SMC3: variants seen among roughly 807,000 people sequenced by gnomAD.
The protein encoded by SMC3 is structural maintenance of chromosomes protein 3.
Under a neutral mutation model 171.8 loss-of-function variants are expected in SMC3, and 20 were observed. The ratio of observed to expected loss-of-function variants is 0.12; its 90% CI spans 0.08 to 0.17. SMC3 has a LOEUF of 0.17. SMC3 is among the 10% of genes least tolerant of loss of function. SMC3 has a pLI of 1.00. For synonymous variants in SMC3, 464 were observed against 451.1 expected, an observed-to-expected ratio of 1.03 and a Z score of -0.36; for missense variants, 543 against 1,420.4, an observed-to-expected ratio of 0.38 and a Z score of 9.93.
Position 110,589,940 on chromosome 10 carries a change from AAG to A in SMC3, c.1462_1463del (p.Glu488ArgfsTer3). 1 of 1,614,058 alleles carries A rather than the reference AAG, an allele frequency of 6.2e-7. No individual in the cohort carries two copies. The highest frequency in any genetic ancestry group is 1.1e-5 in the South Asian group (1 of 91,082). ...CAGAACAGCAAGCACTTGCTGCTAA[AAG>A]AGAAGATCTTGAAAAGAAGCAACAA... ...NAEQQALAAK[R>X]EDLEKKQQLL... On this transcript the variant is annotated frameshift_variant, in exon 15 of 29. Transcript: ENST00000361804. LOFTEE classifies it high-confidence loss of function.
rs1348912017 is a variant in SMC3, at chr10:110,604,437, C to T, written c.*135C>T. On this transcript the variant is annotated 3_prime_UTR_variant, in exon 29 of 29. Transcript: ENST00000361804. The stretch of plus-strand genomic sequence containing the variant: ...AGCATCATAGTCCTTTTATATTTGT[C>T]TTTGTATTTTATAAGATACTCTGTA... 18 of 655,848 alleles carry T rather than the reference C, an allele frequency of 2.7e-5. No homozygotes were observed. Among genetic ancestry groups the T allele is most frequent in the Non-Finnish European group, 3.3e-5 (12 of 365,382 alleles). 40.6% of individuals were successfully genotyped at this position (655,848 alleles called of 1,614,324 possible). A position where few individuals can be genotyped will look rare whatever the true frequency, so the allele number is the denominator to read the frequency against.
intron 18 of SMC3, among the ~76,000 whole-genome samples, chr10:110,594,773 A>G (rs1861270521): frequency 6.6e-6 from 1 of 150,882 alleles, no homozygotes; most frequent in Non-Finnish European, 1.5e-5. Flanking sequence ...ACCATCCAAG[A>G]ATAAGTAAAA....
rs528454819 is a variant in SMC3, at chr10:110,605,119, A to G, written c.*817A>G. Among the ~76,000 whole-genome samples, 2 of 152,306 alleles carry G rather than the reference A, an allele frequency of 1.3e-5. No individual in the cohort carries two copies. The highest frequency in any genetic ancestry group is 4.8e-5 in the African/African-American group (2 of 41,586). ...AATACCACAGAAGCGAAGTATTCTCATTACCTCATATAATAGTACATATTA... is the reference window on the plus strand; with the variant it reads ...AATACCACAGAAGCGAAGTATTCTCGTTACCTCATATAATAGTACATATTA... On this transcript the variant is annotated 3_prime_UTR_variant, in exon 29 of 29. Transcript: ENST00000361804.
rs775574024 is a variant in SMC3, at chr10:110,601,878, C to T, written c.2886C>T (p.Leu962=). The change falls in exon 24 of 29, where the codon CTC becomes CTT. Residue 962 remains leucine, a synonymous_variant. Transcript: ENST00000361804. ...EAFEKYQTLS[L]KQLFRKLEQC... is the part of the protein sequence containing the mutation. ...TTGAAAAGTACCAGACACTGAGCCT[C>T]AAACAGGTTGGTTTTAAATTTGAAG... 8.7e-6 allele frequency: 14 copies of T among 1,613,830 alleles called. No homozygotes were observed. In the East Asian group the frequency reaches 2.9e-4, roughly 33 times the overall value.
chr10:110,596,141 G>C (rs533598795), intron 18 of SMC3, among the ~76,000 whole-genome samples: 1 of 145,106 alleles, frequency 6.9e-6, no homozygotes, highest in East Asian at 2.0e-4. Context: ...AGGATCACTT[G>C]AATCCAGGAG....
In SMC3 at chr10:110,602,494, A is replaced by C; in HGVS notation, c.3126A>C (p.Glu1042Asp). 6.2e-7 allele frequency: 1 copy of C among 1,612,842 alleles called. No individual in the cohort carries two copies. Among genetic ancestry groups the C allele is most frequent in the Non-Finnish European group, 8.5e-7 (1 of 1,179,326 alleles). ...TTAAGGTATCTAAGAACTTCAGTGA[A>C]GTATTCCAGAAGTTAGTACCTGGTG... ...TFKQVSKNFS[E>D]VFQKLVPGGK... is the part of the protein sequence containing the mutation. The change falls in exon 26 of 29, where the codon GAA becomes GAC. Residue 1042 changes from glutamate (E) to aspartate (D), a missense_variant. By Grantham distance (45) the Glu-to-Asp change is conservative. Coordinates refer to ENST00000361804, the MANE Select transcript of SMC3 (RefSeq NM_005445.4).
At chr10:110,592,944 A>G (rs1040395668) in intron 17 of SMC3, 129 bp from the exon 18 acceptor site, 3 of 835,084 alleles carry the variant, frequency 3.6e-6, no homozygotes, top group Non-Finnish European at 5.9e-6. Flanking sequence ...ACTTCAGGGA[A>G]AACGCCAATC....
At chr10:110,595,052 A>G (rs916628993) in intron 18 of SMC3, among the ~76,000 whole-genome samples, 4 of 150,926 alleles carry the variant, frequency 2.7e-5, no homozygotes, top group Non-Finnish European at 5.9e-5. Context: ...GCATGATCTC[A>G]GCTCACTACA....
chr10:110,584,160 C>T, intron 12 of SMC3, 23 bp from the exon 13 acceptor site: 1 of 1,602,722 alleles, frequency 6.2e-7, no homozygotes, highest in Non-Finnish European at 8.5e-7. Context: ...CCTTTTCATC[C>T]CATTTGCTTC....
At chr10:110,572,451 TC>T (rs748043097) in intron 2 of SMC3, among the ~76,000 whole-genome samples, 1 of 152,196 alleles carries the variant, frequency 6.6e-6, no homozygotes, top group Non-Finnish European at 1.5e-5. Context: ...CTGGATCATT[TC>T]CACAGCCTTC....
Position 110,583,757 on chromosome 10 carries a change from A to G in SMC3, c.970-84A>G. On this transcript the variant is annotated intron_variant, in intron 11 of 28. Coordinates refer to ENST00000361804, the MANE Select transcript of SMC3 (RefSeq NM_005445.4). ...ATGTTACAGGTGGGTTTTCTCATGA[A>G]GTTTTTTTCCTGAGAAAACATTTAT... 2.0e-6 allele frequency: 3 copies of G among 1,499,562 alleles called. No homozygotes were observed. In the South Asian group the frequency reaches 3.6e-5, roughly 18 times the overall value. The allele number at this position is 1,499,562 out of a possible 1,614,324, so 92.9% of individuals were successfully genotyped here.
chr10:110,581,969 G>A lies in SMC3; in HGVS notation c.594G>A (p.Glu198=). Residue 198 remains glutamate (E), a synonymous_variant, in exon 9 of 29, where the codon GAG becomes GAA. Transcript: ENST00000361804. The stretch of plus-strand genomic sequence containing the variant: ...ATGAGTTGTTAAAATACATTGAAGA[G>A]AGATTACATACTCTAGAGGAAGAAA... ...KINELLKYIE[E]RLHTLEEEKE... is the part of the protein sequence containing the mutation. The A allele has an allele frequency of 6.2e-7, 1 of 1,613,744 alleles. No homozygotes were observed. Among genetic ancestry groups the A allele is most frequent in the Non-Finnish European group, 8.5e-7 (1 of 1,179,780 alleles).
intron 21 of SMC3, 71 bp from the exon 22 acceptor site, chr10:110,600,368 G>A: frequency 1.2e-6 from 1 of 802,070 alleles, no homozygotes; most frequent in Non-Finnish European, 2.3e-6. Flanking sequence ...TACTAGAGAG[G>A]ACAGCAAATG....
At chr10:110,593,509 T>C (rs1861241157) in intron 18 of SMC3, among the ~76,000 whole-genome samples, 1 of 150,810 alleles carries the variant, frequency 6.6e-6, no homozygotes, top group Non-Finnish European at 1.5e-5. Flanking sequence ...GAGGCAGTGG[T>C]TGCAGTGAGC....
At chr10:110,595,928 T>TTTC (rs1861292850) in intron 18 of SMC3, among the ~76,000 whole-genome samples, 1 of 147,342 alleles carries the variant, frequency 6.8e-6, no homozygotes, top group South Asian at 2.1e-4. Context: ...TTTTTTTTTT[T>TTTC]TTTTTTTTTT....
At chr10:110,589,261 G>A (rs1861172053) in intron 13 of SMC3, among the ~76,000 whole-genome samples, 1 of 151,912 alleles carries the variant, frequency 6.6e-6, no homozygotes, top group Non-Finnish European at 1.5e-5. Context: ...AACTGAAATT[G>A]GATTTTTCAA....
At chr10:110,570,155 A>T (rs1860848270) in intron 2 of SMC3, among the ~76,000 whole-genome samples, 2 of 152,126 alleles carry the variant, frequency 1.3e-5, no homozygotes, top group African/African-American at 4.8e-5. Flanking sequence ...CTGTGTGCTC[A>T]CATGGCCCCA....
chr10:110,598,658 G>A (rs1009241486), intron 20 of SMC3, among the ~76,000 whole-genome samples: 1 of 152,046 alleles, frequency 6.6e-6, no homozygotes, highest in South Asian at 2.1e-4. Flanking sequence ...CACCTGCCTT[G>A]CCCTCCCGAA....
At chr10:110,567,899 GC>G in intron 1 of SMC3, 68 bp downstream of exon 1, 2 of 1,536,946 alleles carry the variant, frequency 1.3e-6, no homozygotes, top group Non-Finnish European at 1.8e-6. Context: ...CGGGAGTGTT[GC>G]GGCGCCACCC....
Sources: allele counts gnomAD v4.1 joint callset (sites outside exome capture counted in the v4.1 genomes callset), GRCh38; gene constraint gnomAD v4.1.1; transcripts MANE v1.5; gene names NCBI Gene and HGNC (gene_info 2026-07-23, HGNC 2026-07-21).